The following KLF12 variants were observed in gnomAD, a reference collection of about 807,000 sequenced individuals.
KLF12 encodes the protein Krueppel-like factor 12.
In KLF12, 9 loss-of-function variants were observed where a neutral mutation model predicts 37.8. That is an observed-to-expected ratio of 0.24 (90% confidence interval 0.14 to 0.42). The LOEUF (loss-of-function observed/expected upper bound fraction) is 0.42. KLF12 is among the 10% of genes least tolerant of loss of function. The probability of loss-of-function intolerance (pLI) is 1.00; values close to 1 mark genes in which losing one functional copy is unlikely to be tolerated. For missense variants in KLF12, 411 were observed against 516.0 expected, an observed-to-expected ratio of 0.80 and a Z score of 1.97; for synonymous variants, 208 against 202.1, an observed-to-expected ratio of 1.03 and a Z score of -0.25.
intron 3 of KLF12, among the ~76,000 whole-genome samples, chr13:73,885,971 C>T (rs554208839): frequency 8.3e-4 from 127 of 152,150 alleles, no homozygotes; most frequent in African/African-American, 2.8e-3. Flanking sequence ...TTACAAAACT[C>T]GAGGAAGGTT....
chr13:74,261,825 T>C, the KLF12 span, among the ~76,000 whole-genome samples: 1 of 152,314 alleles, frequency 6.6e-6, no homozygotes, highest in South Asian at 2.1e-4. Context: ...GACACAAACG[T>C]GTGTGTGGTA....
intron 1 of KLF12, among the ~76,000 whole-genome samples, chr13:74,012,903 T>A (rs1359926148): frequency 1.3e-5 from 2 of 152,196 alleles, no homozygotes; most frequent in African/African-American, 4.8e-5. Context: ...CTACTAACTA[T>A]CCCTGCCTTA....
intron 3 of KLF12, among the ~76,000 whole-genome samples, chr13:73,923,059 T>C (rs1260053322): frequency 6.6e-6 from 1 of 152,222 alleles, no homozygotes; most frequent in Non-Finnish European, 1.5e-5. Context: ...TAAATGCCAA[T>C]TTTCATGCTT....
intron 1 of KLF12, among the ~76,000 whole-genome samples, chr13:74,051,375 C>CAT (rs1477777652): frequency 1.3e-5 from 2 of 151,414 alleles, no homozygotes; most frequent in African/African-American, 4.9e-5. Flanking sequence ...CACACACACA[C>CAT]ACAGTGGAAT....
intron 3 of KLF12, among the ~76,000 whole-genome samples, chr13:73,906,635 A>G (rs1367969311): frequency 1.3e-5 from 2 of 152,150 alleles, no homozygotes; most frequent in African/African-American, 2.4e-5. Context: ...AATAACTCCA[A>G]TATCTGTAAC....
intron 4 of KLF12, among the ~76,000 whole-genome samples, chr13:73,841,154 A>T (rs1342591447): frequency 6.6e-6 from 1 of 152,164 alleles, no homozygotes; most frequent in South Asian, 2.1e-4. Flanking sequence ...ATTTTGGGAC[A>T]CCAATTCCTA....
intron 2 of KLF12, among the ~76,000 whole-genome samples, chr13:73,974,907 CACAGT>C (rs1448743719): frequency 6.6e-6 from 1 of 152,122 alleles, no homozygotes; most frequent in East Asian, 1.9e-4. Flanking sequence ...TTTTTAAGAG[CACAGT>C]ACAGGTTTCT....
intron 1 of KLF12, among the ~76,000 whole-genome samples, chr13:74,037,265 CAT>C (rs1893274582): frequency 6.8e-6 from 1 of 146,106 alleles, no homozygotes; most frequent in Admixed American, 6.8e-5. Flanking sequence ...GAAAGAAAAA[CAT>C]ACAAAAGCAC....
intron 1 of KLF12, among the ~76,000 whole-genome samples, chr13:74,068,978 A>C (rs951001865): frequency 4.6e-5 from 7 of 152,172 alleles, no homozygotes; most frequent in African/African-American, 1.7e-4. Flanking sequence ...CTGTGTATTT[A>C]TTGTCATGTC....
chr13:73,982,971 A>G (rs1167554531), intron 2 of KLF12, among the ~76,000 whole-genome samples: 1 of 152,146 alleles, frequency 6.6e-6, no homozygotes, highest in African/African-American at 2.4e-5. Flanking sequence ...AAAAAAGAAA[A>G]AAAAGTAAAA....
intron 1 of KLF12, among the ~76,000 whole-genome samples, chr13:74,101,556 G>A (rs948003987): frequency 5.3e-5 from 8 of 152,100 alleles, no homozygotes; most frequent in Admixed American, 2.0e-4. Context: ...GTTAACTGGA[G>A]AAATGGCTTA....
At chr13:74,179,188 G>T in the KLF12 span, among the ~76,000 whole-genome samples, 67 of 152,268 alleles carry the variant, frequency 4.4e-4, 1 homozygote, top group Non-Finnish European at 7.1e-4. Context: ...CAGGCCTTTG[G>T]TTATAAAAGA....
At position 74,020,002 on chromosome 13, in the gene KLF12, A is replaced by C. The variant is rs147661394; in HGVS notation, c.-31-24949T>G. ...CCCATGGCCTGTGGCCATGTCTTAA[A>C]GGTGCTTGACAAGCTGGGAAAGAAA... is the stretch of plus-strand genomic sequence containing the variant. On this transcript the variant is annotated intron_variant, in intron 1 of 7. Transcript: ENST00000377669. Among the ~76,000 whole-genome samples, 1,195 of 152,364 alleles carry C rather than the reference A, an allele frequency of 7.8e-3. 20 individuals carry two copies. The highest frequency in any genetic ancestry group is 0.027 in the African/African-American group (1,140 of 41,578).
intron 6 of KLF12, among the ~76,000 whole-genome samples, chr13:73,751,281 T>C (rs185442190): frequency 4.3e-4 from 66 of 152,264 alleles, no homozygotes; most frequent in Non-Finnish European, 8.7e-4. Context: ...CTGGATCAAA[T>C]GGTAGTTATA....
chr13:74,042,650 T>A (rs181948614), intron 1 of KLF12, among the ~76,000 whole-genome samples: 1 of 152,276 alleles, frequency 6.6e-6, no homozygotes, highest in African/African-American at 2.4e-5. Flanking sequence ...TTGCCGAGTC[T>A]TAACATCAAT....
rs576386350 is a variant in KLF12, at chr13:73,933,732, A to T, written c.123+10249T>A. ...CTGCCCCTTTGAACTATACAAAGCA[A>T]TCTGCTCAAGTCTCCCCTTAGCCAG... is the stretch of plus-strand genomic sequence containing the variant. On this transcript the variant is annotated intron_variant, in intron 3 of 7. Coordinates refer to ENST00000377669, the MANE Select transcript of KLF12 (RefSeq NM_007249.5). 2.1e-3 allele frequency among the ~76,000 whole-genome samples: 327 copies of T among 152,304 alleles called. 3 individuals are homozygous for T. Among genetic ancestry groups the T allele is most frequent in the African/African-American group, 7.5e-3 (310 of 41,576 alleles).
chr13:73,733,775 C>A (rs910982764), intron 6 of KLF12, among the ~76,000 whole-genome samples: 1 of 152,168 alleles, frequency 6.6e-6, no homozygotes, highest in South Asian at 2.1e-4. Context: ...TACATTCCCA[C>A]AAGCAAAGCA....
chr13:73,831,248 C>T lies in KLF12; in HGVS notation c.670+14579G>A, dbSNP rs545375744. 3.9e-5 allele frequency among the ~76,000 whole-genome samples: 6 copies of T among 152,168 alleles called. No individual in the cohort carries two copies. The East Asian group carries it at 1.2e-3, about 29-fold the overall frequency. ...AGTATTTAGAAATTCTGACTTAATT[C>T]AAGGCTCTACCACTCTTAAGCTGTG... On this transcript the variant is annotated intron_variant, in intron 4 of 7. Transcript: ENST00000377669.
chr13:73,723,295 T>C (rs1876413963), intron 6 of KLF12, among the ~76,000 whole-genome samples: 1 of 152,094 alleles, frequency 6.6e-6, no homozygotes, highest in South Asian at 2.1e-4. Context: ...CTTTATCCCA[T>C]GAGATCAATT....
Sources: gnomAD v4.1 joint callset for allele counts (sites outside exome capture counted in the v4.1 genomes callset) on GRCh38, gnomAD v4.1.1 for gene constraint, MANE v1.5 for transcripts, NCBI Gene and HGNC (gene_info 2026-07-23, HGNC 2026-07-21) for gene names.